The following IQCH variants were observed in gnomAD, a reference collection of about 807,000 sequenced individuals.
IQCH encodes the protein IQ domain-containing protein H.
In IQCH, 98 loss-of-function variants were observed where a neutral mutation model predicts 117.0. The ratio of observed to expected loss-of-function variants is 0.84; its 90% CI spans 0.71 to 0.99. IQCH has a LOEUF of 0.99. IQCH is among the 50% of genes least tolerant of loss of function. IQCH has a pLI of 0.00. For synonymous variants in IQCH, 412 were observed against 448.2 expected (o/e 0.92, Z 1.02); for missense variants, 1,102 against 1,243.8 (o/e 0.89, Z 1.72).
chr15:67,271,773 C>G (rs1278732192), intron 3 of IQCH, among the ~76,000 whole-genome samples: 5 of 151,942 alleles, frequency 3.3e-5, no homozygotes, highest in African/African-American at 1.2e-4. Flanking sequence ...GTTATGTCTC[C>G]TTTTTTGTTT....
At position 67,493,246 on chromosome 15, in the gene IQCH, G is replaced by A. The variant is rs1699876436; in HGVS notation, c.2862-1012G>A. On this transcript the variant is annotated intron_variant, in intron 19 of 20. Coordinates refer to ENST00000335894, the MANE Select transcript of IQCH (RefSeq NM_001031715.3). This position sits in a 1 kb window ranked among gnomAD's most constrained non-coding sequence, Gnocchi z 5.1. ...GCCTCAGAATTAACTGATCCTCATA[G>A]ATGGGAAACTGAGGCTTAGAGAGGG... Among the ~76,000 whole-genome samples the A allele has an allele frequency of 6.6e-6, 1 of 152,176 alleles. No homozygotes were observed. Among genetic ancestry groups the A allele is most frequent in the African/African-American group, 2.4e-5 (1 of 41,440 alleles).
Position 67,386,993 on chromosome 15 carries a change from G to C in IQCH, c.1457-1838G>C, listed in dbSNP as rs1971128859. ...CCAAGAAAAAAATTATTTTTCATCT[G>C]TTACAGTCTGTAAGCTATTTTTGTT... On this transcript the variant is annotated intron_variant, in intron 11 of 20. Coordinates refer to ENST00000335894, the MANE Select transcript of IQCH (RefSeq NM_001031715.3). This position sits in a 1 kb window ranked among gnomAD's most constrained non-coding sequence, Gnocchi z 5.0. Among the ~76,000 whole-genome samples, 1 of 151,964 alleles carries C rather than the reference G, an allele frequency of 6.6e-6. No homozygotes were observed. The highest frequency in any genetic ancestry group is 1.5e-5 in the Non-Finnish European group (1 of 67,968).
chr15:67,261,493 CA>C, intron 2 of IQCH, 99 bp downstream of exon 2: 1 of 1,045,444 alleles, frequency 9.6e-7, no homozygotes, highest in Non-Finnish European at 1.4e-6. Flanking sequence ...AATTCTGTAA[CA>C]AAGCTGAATT....
chr15:67,261,463 G>T, intron 2 of IQCH, 69 bp downstream of exon 2: 2 of 1,343,218 alleles, frequency 1.5e-6, no homozygotes, highest in South Asian at 2.7e-5. Flanking sequence ...AGGAATTGCA[G>T]TTCTCATAGA....
intron 3 of IQCH, among the ~76,000 whole-genome samples, chr15:67,268,584 T>TAGGAA (rs1965771391): frequency 6.6e-6 from 1 of 152,132 alleles, no homozygotes; most frequent in African/African-American, 2.4e-5. Context: ...TGCTACTATT[T>TAGGAA]AGGAAAAGAA....
At chr15:67,469,430 C>T (rs1387477979) in intron 17 of IQCH, among the ~76,000 whole-genome samples, 2 of 152,180 alleles carry the variant, frequency 1.3e-5, no homozygotes, top group African/African-American at 4.8e-5. Flanking sequence ...TGTACGGGGA[C>T]ACAGGAAGGG....
At chr15:67,340,945 A>T (rs1969142993) in intron 5 of IQCH, among the ~76,000 whole-genome samples, 1 of 152,234 alleles carries the variant, frequency 6.6e-6, no homozygotes, top group Admixed American at 6.5e-5. Context: ...GCAGCGGCTC[A>T]TGCCTCTAAT....
chr15:67,387,359 T>G lies in IQCH; in HGVS notation c.1457-1472T>G, dbSNP rs1971140549. Among the ~76,000 whole-genome samples the G allele has an allele frequency of 2.0e-5, 3 of 152,192 alleles. 1 individual carries two copies. In the South Asian group the frequency reaches 6.2e-4, roughly 31 times the overall value. ...GCCCTGCGTCTAGGTGTAAAAGACC[T>G]TCCCAACTTTGCGAATCTCTCCATC... On this transcript the variant is annotated intron_variant, in intron 11 of 20. Transcript: ENST00000335894. The surrounding 1 kb of genome is among the most constrained non-coding windows in gnomAD (Gnocchi z 4.8).
chr15:67,282,521 C>T (rs903460706), intron 4 of IQCH, among the ~76,000 whole-genome samples: 1 of 152,078 alleles, frequency 6.6e-6, no homozygotes, highest in Non-Finnish European at 1.5e-5. Context: ...CCTCCAGAGC[C>T]TGGATTACTA....
In IQCH at chr15:67,468,590, C is replaced by A. The variant is rs189919793; in HGVS notation, c.2676+3293C>A. 1.9e-4 allele frequency among the ~76,000 whole-genome samples: 29 copies of A among 152,282 alleles called. No individual in the cohort carries two copies. The East Asian group carries it at 2.9e-3, about 15-fold the overall frequency. ...AGCAACACATTAATAATTCAGAGAG[C>A]AGTTCATTATGCATGTGGATGCCTG... On this transcript the variant is annotated intron_variant, in intron 17 of 20. Coordinates refer to ENST00000335894, the MANE Select transcript of IQCH (RefSeq NM_001031715.3).
At chr15:67,282,552 T>C (rs1966404151) in intron 4 of IQCH, among the ~76,000 whole-genome samples, 1 of 152,190 alleles carries the variant, frequency 6.6e-6, no homozygotes, top group African/African-American at 2.4e-5. Flanking sequence ...ATATCTAATA[T>C]GTGTGACGTC....
At position 67,387,337 on chromosome 15, in the gene IQCH, C is replaced by T. The variant is rs1182546145; in HGVS notation, c.1457-1494C>T. Among the ~76,000 whole-genome samples the T allele has an allele frequency of 6.6e-6, 1 of 152,122 alleles. No homozygotes were observed. The highest frequency in any genetic ancestry group is 1.5e-5 in the Non-Finnish European group (1 of 68,016). On this transcript the variant is annotated intron_variant, in intron 11 of 20. Transcript: ENST00000335894. The surrounding 1 kb of genome is among the most constrained non-coding windows in gnomAD (Gnocchi z 4.8). ...AGAGATTTCTCTATGTATGTATGCC[C>T]TGCGTCTAGGTGTAAAAGACCTTCC...
chr15:67,280,494 A>G (rs1221577226), intron 4 of IQCH, among the ~76,000 whole-genome samples: 2 of 152,220 alleles, frequency 1.3e-5, no homozygotes, highest in African/African-American at 4.8e-5. Context: ...TAGTTTGCAG[A>G]CAGTTTTCTT....
Position 67,328,636 on chromosome 15 carries a change from C to G in IQCH, c.388-8339C>G, listed in dbSNP as rs145693079. On this transcript the variant is annotated intron_variant, in intron 4 of 20. Transcript: ENST00000335894. ...TCTAGAAGGAACATTGTAAGAAATG[C>G]AAAAAAGTGCTAGGTGAGGCTCAGG... 6.4e-4 allele frequency among the ~76,000 whole-genome samples: 97 copies of G among 152,038 alleles called. 4 individuals carry two copies. In the East Asian group the frequency reaches 0.012, roughly 19 times the overall value.
chr15:67,293,147 T>A (rs1966806835), intron 4 of IQCH, among the ~76,000 whole-genome samples: 1 of 152,178 alleles, frequency 6.6e-6, no homozygotes. Flanking sequence ...GTACAGTGAG[T>A]GTTGTATAAG....
At position 67,384,510 on chromosome 15, in the gene IQCH, A is replaced by G. The variant is rs746990814; in HGVS notation, c.1373-426A>G. Among the ~76,000 whole-genome samples, 6 of 152,166 alleles carry G rather than the reference A, an allele frequency of 3.9e-5. No homozygotes were observed. The highest frequency in any genetic ancestry group is 2.9e-5 in the Non-Finnish European group (2 of 68,028). On this transcript the variant is annotated intron_variant, in intron 10 of 20. Coordinates refer to ENST00000335894, the MANE Select transcript of IQCH (RefSeq NM_001031715.3). The surrounding 1 kb of genome is among the most constrained non-coding windows in gnomAD (Gnocchi z 4.3). ...ACAGCAAGGGATTTATCTGAAATCT[A>G]TGTGTCACTTTAGAATGATTCTGGA...
intron 17 of IQCH, among the ~76,000 whole-genome samples, chr15:67,468,359 C>T (rs1218964975): frequency 6.6e-6 from 1 of 152,164 alleles, no homozygotes; most frequent in Non-Finnish European, 1.5e-5. Flanking sequence ...ATTCTGTCTC[C>T]TGTAATTTAT....
Position 67,372,522 on chromosome 15 carries a change from T to C in IQCH, c.1165T>C (p.Phe389Leu), listed in dbSNP as rs764654692. The C allele has an allele frequency of 1.9e-6, 3 of 1,614,080 alleles. No homozygotes were observed. The highest frequency in any genetic ancestry group is 2.5e-6 in the Non-Finnish European group (3 of 1,179,994). ...GAAATGCTACAAAGCAAGAAAATTCTTCCTCTTTTATCGCCAGCAGAAGTG... is the reference window on the plus strand; with the variant it reads ...GAAATGCTACAAAGCAAGAAAATTCCTCCTCTTTTATCGCCAGCAGAAGTG... ...TWKCYKARKF[F>L]LFYRQQKWAS... Residue 389 changes from phenylalanine to leucine, a missense_variant, in exon 9 of 21, where the codon TTC (phenylalanine) becomes CTC (leucine). By Grantham distance (22) the Phe-to-Leu change is conservative. This residue lies in a region of IQCH where 650 missense variants were observed against 794.3 expected (regional missense o/e 0.82). Coordinates refer to ENST00000335894, the MANE Select transcript of IQCH (RefSeq NM_001031715.3).
At position 67,490,230 on chromosome 15, in the gene IQCH, G is replaced by C. The variant is rs553377061; in HGVS notation, c.2861+166G>C. The stretch of plus-strand genomic sequence containing the variant: ...TATTTTATTCTATTTTTTTGAGACG[G>C]AGCCTCACTCTGTCACCCAGGCTGG... On this transcript the variant is annotated intron_variant, in intron 19 of 20. Coordinates refer to ENST00000335894, the MANE Select transcript of IQCH (RefSeq NM_001031715.3). The surrounding 1 kb of genome is among the most constrained non-coding windows in gnomAD (Gnocchi z 4.9). Among the ~76,000 whole-genome samples the C allele has an allele frequency of 2.6e-5, 4 of 151,866 alleles. No homozygotes were observed. The highest frequency in any genetic ancestry group is 2.9e-5 in the Non-Finnish European group (2 of 67,972).
Sources: allele counts gnomAD v4.1 joint callset (sites outside exome capture counted in the v4.1 genomes callset), GRCh38; gene constraint gnomAD v4.1.1; regional missense constraint gnomAD v4.1.1; non-coding constraint Gnocchi (gnomAD v3.1); transcripts MANE v1.5; gene names NCBI Gene and HGNC (gene_info 2026-07-23, HGNC 2026-07-21).